DYNLRB1: variants seen among roughly 807,000 people sequenced by gnomAD.
DYNLRB1 encodes ROBL/LC7-like 1.
A neutral mutation model predicts 13.5 loss-of-function variants in DYNLRB1; 6 were observed. The observed-to-expected ratio is 0.44, with a 90% CI of 0.24 to 0.88. The LOEUF is 0.88. Among genes scored for constraint, DYNLRB1 ranks in the 40% least tolerant of loss-of-function variants. DYNLRB1 has a pLI of 0.21. For synonymous variants in DYNLRB1, 43 were observed against 45.0 expected, an observed-to-expected ratio of 0.96 and a Z score of 0.18; for missense variants, 93 against 127.2, an observed-to-expected ratio of 0.73 and a Z score of 1.29.
At chr20:34,535,231 A>G (rs13044031) in intron 3 of DYNLRB1, 1 of 985,300 alleles carries the variant, frequency 1.0e-6, no homozygotes, top group African/African-American at 1.7e-5. Context: ...AAGAATATTC[A>G]GTGATTCTTC....
chr20:34,534,717 G>A lies in DYNLRB1; in HGVS notation c.169G>A (p.Val57Met), dbSNP rs199786050. Residue 57 changes from valine to methionine, a missense_variant, in exon 3 of 4, where the codon GTG (valine) becomes ATG (methionine). Transcript: ENST00000357156. ...HSFILKARST[V>M]RDIDPQNDLT... The stretch of plus-strand genomic sequence containing the variant: ...CTTCATCCTGAAGGCACGGAGCACC[G>A]TGCGTGACATCGACCCCCAGAACGA... The A allele has an allele frequency of 6.0e-5, 97 of 1,613,422 alleles. No homozygotes were observed. Among genetic ancestry groups the A allele is most frequent in the Non-Finnish European group, 8.0e-5 (94 of 1,179,556 alleles).
chr20:34,532,518 G>A (rs1185022134), intron 2 of DYNLRB1, among the ~76,000 whole-genome samples: 1 of 152,182 alleles, frequency 6.6e-6, no homozygotes, highest in African/African-American at 2.4e-5. Context: ...CCCCAGGAAT[G>A]CGAGGGTGGG....
At chr20:34,516,674 C>A (rs924587744) in intron 1 of DYNLRB1, 2 of 1,485,406 alleles carry the variant, frequency 1.3e-6, no homozygotes, top group African/African-American at 2.9e-5. Context: ...ATCCCGCTGC[C>A]CCTTGACCGG....
intron 3 of DYNLRB1, chr20:34,535,618 ACT>A: frequency 1.0e-6 from 1 of 981,832 alleles, no homozygotes; most frequent in Non-Finnish European, 1.2e-6. Flanking sequence ...CTTTTTTCTC[ACT>A]CTGCTTTTTC....
intron 1 of DYNLRB1, chr20:34,516,663 G>A: frequency 1.4e-6 from 2 of 1,463,416 alleles, no homozygotes; most frequent in South Asian, 2.8e-5. Flanking sequence ...GGGGCCGCCG[G>A]ATCCCGCTGC....
Position 34,526,344 on chromosome 20 carries a change from G to A in DYNLRB1, c.79+1G>A. On this transcript the variant is annotated splice_donor_variant, in intron 2 of 3. Coordinates refer to ENST00000357156, the MANE Select transcript of DYNLRB1 (RefSeq NM_014183.4). LOFTEE classifies it high-confidence loss of function. The stretch of plus-strand genomic sequence containing the variant: ...GGAATCATCGTCGTGAACACAGAAG[G>A]TACGCCCTCCCTCCCGCCATGACCC... 1 of 1,613,860 alleles carries A rather than the reference G, an allele frequency of 6.2e-7. No individual in the cohort carries two copies. The highest frequency in any genetic ancestry group is 8.5e-7 in the Non-Finnish European group (1 of 1,179,924).
intron 1 of DYNLRB1, among the ~76,000 whole-genome samples, chr20:34,524,471 A>G (rs979168905): frequency 1.3e-5 from 2 of 152,178 alleles, no homozygotes; most frequent in African/African-American, 4.8e-5. Flanking sequence ...ACTTTGGTCC[A>G]TGATGAATTT....
rs182864512 is a variant in DYNLRB1 at position 34,535,548 on chromosome 20, C to T, written c.247+753C>T. 36 of 833,208 alleles carry T rather than the reference C, an allele frequency of 4.3e-5. No homozygotes were observed. The East Asian group carries it at 3.5e-3, about 80-fold the overall frequency. The allele number at this position is 833,208 out of a possible 1,614,324, so 51.6% of individuals were successfully genotyped here. ...AGCCACATCTCCTGCCCGGCTCCCT[C>T]GCTCTCACTCATGGACTGGGGTGGC... is the stretch of plus-strand genomic sequence containing the variant. On this transcript the variant is annotated intron_variant, in intron 3 of 3. Coordinates refer to ENST00000357156, the MANE Select transcript of DYNLRB1 (RefSeq NM_014183.4).
intron 1 of DYNLRB1, among the ~76,000 whole-genome samples, chr20:34,519,086 T>C (rs1174515037): frequency 1.3e-5 from 2 of 151,392 alleles, no homozygotes; most frequent in African/African-American, 4.9e-5. Flanking sequence ...AGAGACAGGG[T>C]TTTTTTTCTA....
intron 2 of DYNLRB1, chr20:34,529,849 C>T (rs1386583059): frequency 1.3e-6 from 2 of 1,515,580 alleles, no homozygotes. Context: ...ATTTCATTTA[C>T]AGGAGGCTGG....
intron 2 of DYNLRB1, chr20:34,530,119 A>G (rs1980598191): frequency 8.1e-7 from 1 of 1,229,798 alleles, no homozygotes. Flanking sequence ...CCCAGCTGTG[A>G]CCCCCAGGCT....
chr20:34,527,952 C>T (rs1325617587), intron 2 of DYNLRB1, among the ~76,000 whole-genome samples: 2 of 152,176 alleles, frequency 1.3e-5, no homozygotes, highest in Non-Finnish European at 2.9e-5. Context: ...ACACTAAGAA[C>T]CATCAGTTCA....
At chr20:34,518,712 C>T (rs1350647503) in intron 1 of DYNLRB1, among the ~76,000 whole-genome samples, 1 of 151,906 alleles carries the variant, frequency 6.6e-6, no homozygotes, top group East Asian at 1.9e-4. Flanking sequence ...CGTTGGCCTC[C>T]CAAAGTGTTA....
intron 3 of DYNLRB1, among the ~76,000 whole-genome samples, chr20:34,536,937 C>T (rs1393820365): frequency 1.3e-5 from 2 of 152,126 alleles, no homozygotes; most frequent in Non-Finnish European, 2.9e-5. Context: ...AGAATGTCTC[C>T]TCTGGAAGGA....
intron 1 of DYNLRB1, 104 bp from the exon 2 acceptor site, chr20:34,526,160 ATTAC>A: frequency 8.2e-7 from 1 of 1,218,684 alleles, no homozygotes; most frequent in South Asian, 1.3e-5. Context: ...GTGCCTGAGT[ATTAC>A]TTGTTTGTTG....
chr20:34,536,744 CAAA>C (rs560286767), intron 3 of DYNLRB1, among the ~76,000 whole-genome samples: 4 of 55,884 alleles, frequency 7.2e-5, no homozygotes, highest in Admixed American at 2.0e-4. Flanking sequence ...GACTCTGTCT[CAAA>C]AAAAAAAAAA....
In DYNLRB1 at chr20:34,517,471, C is replaced by T. The variant is rs76910696; in HGVS notation, c.3+1010C>T. On this transcript the variant is annotated intron_variant, in intron 1 of 3. Coordinates refer to ENST00000357156, the MANE Select transcript of DYNLRB1 (RefSeq NM_014183.4). ...ATATGTATAACTTCATTTTTCACATCACTTCTTAAGCTGTAAAAAAAATTG... is the reference window on the plus strand; with the variant it reads ...ATATGTATAACTTCATTTTTCACATTACTTCTTAAGCTGTAAAAAAAATTG... 2.0e-5 allele frequency among the ~76,000 whole-genome samples: 3 copies of T among 152,152 alleles called. No homozygotes were observed. In the East Asian group the frequency reaches 5.8e-4, roughly 29 times the overall value.
At chr20:34,517,707 C>A (rs1979364143) in intron 1 of DYNLRB1, among the ~76,000 whole-genome samples, 1 of 148,266 alleles carries the variant, frequency 6.7e-6, no homozygotes, top group African/African-American at 2.5e-5. Flanking sequence ...TAGTTCACTG[C>A]CACCTCCGCC....
chr20:34,522,007 C>G (rs982714088), intron 1 of DYNLRB1, among the ~76,000 whole-genome samples: 9 of 151,878 alleles, frequency 5.9e-5, no homozygotes, highest in African/African-American at 2.2e-4. Context: ...CATGGCACGC[C>G]TGGGTGACAG....
Sources: allele counts gnomAD v4.1 joint callset (sites outside exome capture counted in the v4.1 genomes callset), GRCh38; gene constraint gnomAD v4.1.1; transcripts MANE v1.5; gene names NCBI Gene and HGNC (gene_info 2026-07-23, HGNC 2026-07-21).